Variants in BCL9L observed in about 807,000 individuals in gnomAD.
BCL9L encodes B-cell CLL/lymphoma 9-like protein.
BCL9L carries 19 observed loss-of-function variants against 99.4 expected under a neutral mutation model. The ratio of observed to expected loss-of-function variants is 0.19; its 90% CI spans 0.13 to 0.28. The LOEUF is 0.28. Ranked by LOEUF, BCL9L falls within the 10% of genes least tolerant of loss-of-function variation. The pLI is 1.00. For missense variants in BCL9L, 2,023 were observed against 2,101.6 expected (o/e 0.96, Z 0.73); for synonymous variants, 900 against 854.8 (o/e 1.05, Z -0.92).
In BCL9L at chr11:118,901,875, T is replaced by G. The variant is rs748651343; in HGVS notation, c.1868A>C (p.Glu623Ala). The G allele has an allele frequency of 6.2e-7, 1 of 1,613,018 alleles. No individual in the cohort carries two copies. Among genetic ancestry groups the G allele is most frequent in the African/African-American group, 1.3e-5 (1 of 75,022 alleles). ...CCTCTGCATGGCATTCATGGGCACC[T>G]CCATGGGCATACTCTGCATGCCCCC... Reference protein sequence around the residue: ...GFGGMQSMPMEVPMNAMQRPV... With the variant: ...GFGGMQSMPMAVPMNAMQRPV... The change falls in exon 8 of 10, where the codon GAG (glutamate) becomes GCG (alanine). Residue 623 changes from glutamate to alanine, a missense_variant. This residue lies in a region of BCL9L where 1,116 missense variants were observed against 1,194.6 expected (regional missense o/e 0.93). Coordinates refer to ENST00000683865, the MANE Select transcript of BCL9L (RefSeq NM_001378213.1). The surrounding 1 kb of genome is among the most constrained non-coding windows in gnomAD (Gnocchi z 6.6).
At position 118,902,390 on chromosome 11, in the gene BCL9L, G is replaced by T. The variant is rs761611878; in HGVS notation, c.1353C>A (p.Pro451=). The T allele has an allele frequency of 6.5e-7, 1 of 1,545,232 alleles. No individual in the cohort carries two copies. Among genetic ancestry groups the T allele is most frequent in the African/African-American group, 1.4e-5 (1 of 72,542 alleles). The change falls in exon 8 of 10, where the codon CCC becomes CCA. Residue 451 remains proline, a synonymous_variant. Transcript: ENST00000683865. The surrounding 1 kb of genome is among the most constrained non-coding windows in gnomAD (Gnocchi z 7.8). The stretch of plus-strand genomic sequence containing the variant: ...TGGGAGGGGCCGTGGGTGGCTGCTG[G>T]GGGGGAGGGGGGGCTTGTGCTGGTG... ...GGPPAQAPPP[P]QQPPTAPPSG...
At chr11:118,909,464 C>A (rs1432034381) in intron 3 of BCL9L, among the ~76,000 whole-genome samples, 1 of 152,188 alleles carries the variant, frequency 6.6e-6, no homozygotes, top group African/African-American at 2.4e-5. Context: ...AGATTTATTT[C>A]AGCTCTGCTG....
Position 118,898,294 on chromosome 11 carries a change from G to GCCCCCCCCCCCCCCCCCCCACCCCCCC in BCL9L, c.*120_*121insGGGGGGGTGGGGGGGGGGGGGGGGGGG. 2.2e-6 allele frequency: 1 copy of GCCCCCCCCCCCCCCCCCCCACCCCCCC among 452,312 alleles called. No individual in the cohort carries two copies. Among genetic ancestry groups the GCCCCCCCCCCCCCCCCCCCACCCCCCC allele is most frequent in the East Asian group, 4.3e-5 (1 of 23,130 alleles). 28.0% of individuals were successfully genotyped at this position (452,312 alleles called of 1,614,324 possible). On this transcript the variant is annotated 3_prime_UTR_variant, in exon 10 of 10. Coordinates refer to ENST00000683865, the MANE Select transcript of BCL9L (RefSeq NM_001378213.1). ...TCCACAAATGCCACTCCCTACACAA[G>GCCCCCCCCCCCCCCCCCCCACCCCCCC]CCCCCTCCCACCCCCTCCACCCCAC... is the stretch of plus-strand genomic sequence containing the variant.
Position 118,900,485 on chromosome 11 carries a change from C to A in BCL9L, c.3124+134G>T. The A allele has an allele frequency of 1.4e-6, 2 of 1,419,748 alleles. No individual in the cohort carries two copies. Among genetic ancestry groups the A allele is most frequent in the Non-Finnish European group, 1.8e-6 (2 of 1,081,816 alleles). 87.9% of individuals were successfully genotyped at this position (1,419,748 alleles called of 1,614,324 possible). On this transcript the variant is annotated intron_variant, in intron 8 of 9. Transcript: ENST00000683865. The surrounding 1 kb of genome is among the most constrained non-coding windows in gnomAD (Gnocchi z 5.3). ...GAAAGCCCACAAATGTCATCATCTGCCCCATAAGCAGAGCCATCCACCTCT... is the reference window on the plus strand; with the variant it reads ...GAAAGCCCACAAATGTCATCATCTGACCCATAAGCAGAGCCATCCACCTCT...
chr11:118,906,753 C>T (rs568455705), intron 5 of BCL9L, among the ~76,000 whole-genome samples: 1 of 152,108 alleles, frequency 6.6e-6, no homozygotes, highest in South Asian at 2.1e-4. Context: ...AACTCCTGGG[C>T]TCAAGCAATT....
In BCL9L at chr11:118,902,109, G is replaced by C; in HGVS notation, c.1634C>G (p.Pro545Arg). 1 of 1,614,050 alleles carries C rather than the reference G, an allele frequency of 6.2e-7. No individual in the cohort carries two copies. The highest frequency in any genetic ancestry group is 1.1e-5 in the South Asian group (1 of 91,080). The change falls in exon 8 of 10, where the codon CCT becomes CGT. Residue 545 changes from proline to arginine, a missense_variant. Pro to Arg is a moderately radical substitution (Grantham distance 103). Transcript: ENST00000683865. The surrounding 1 kb of genome is among the most constrained non-coding windows in gnomAD (Gnocchi z 7.8). ...EEQIGLHGSR[P>R]LQDMMGMGGM... is the part of the protein sequence containing the mutation. Reference sequence around the variant, plus strand: ...CCCCATGCCCATCATGTCCTGCAGAGGACGGCTCCCATGCAGCCCAATCTG... The same window carrying C: ...CCCCATGCCCATCATGTCCTGCAGACGACGGCTCCCATGCAGCCCAATCTG...
At position 118,901,700 on chromosome 11, in the gene BCL9L, G is replaced by A; in HGVS notation, c.2043C>T (p.His681=). The stretch of plus-strand genomic sequence containing the variant: ...CCATCGACCGCTTCTCCAGCAGCTG[G>A]TGCCGCAGCAGCTCCTCACGGACCC... ...TPRVREELLR[H]QLLEKRSMGM... The change falls in exon 8 of 10, where the codon CAC becomes CAT. Residue 681 remains histidine, a synonymous_variant. Transcript: ENST00000683865. The surrounding 1 kb of genome is among the most constrained non-coding windows in gnomAD (Gnocchi z 6.6). The A allele has an allele frequency of 6.2e-7, 1 of 1,613,698 alleles. No homozygotes were observed. The highest frequency in any genetic ancestry group is 8.5e-7 in the Non-Finnish European group (1 of 1,179,960).
chr11:118,906,209 T>G (rs539989436), intron 5 of BCL9L, among the ~76,000 whole-genome samples: 1 of 152,276 alleles, frequency 6.6e-6, no homozygotes, highest in African/African-American at 2.4e-5. Context: ...AATAAATAAA[T>G]AAAACTCACA....
Position 118,898,577 on chromosome 11 carries a change from G to A in BCL9L, c.4338C>T (p.Tyr1446=), listed in dbSNP as rs1940034958. The change falls in exon 10 of 10, where the codon TAC becomes TAT. Residue 1446 remains tyrosine (Y), a synonymous_variant. Coordinates refer to ENST00000683865, the MANE Select transcript of BCL9L (RefSeq NM_001378213.1). ...GGGAGAGCATGTGGGGCGGCTGGCT[G>A]TAGACCTCGCCCCCCACGCCCCGCT... ...MKQRGVGGEV[Y]SQPPHMLSPQ... 1.2e-6 allele frequency: 2 copies of A among 1,610,752 alleles called. No individual in the cohort carries two copies. Among genetic ancestry groups the A allele is most frequent in the South Asian group, 1.1e-5 (1 of 90,826 alleles).
At chr11:118,907,060 G>A (rs1940552456) in intron 5 of BCL9L, among the ~76,000 whole-genome samples, 1 of 152,144 alleles carries the variant, frequency 6.6e-6, no homozygotes, top group Non-Finnish European at 1.5e-5. Context: ...TCAATTAGAG[G>A]TTAGGGAAGG....
chr11:118,904,573 G>C (rs1315233481), intron 5 of BCL9L, among the ~76,000 whole-genome samples: 1 of 152,202 alleles, frequency 6.6e-6, no homozygotes, highest in African/African-American at 2.4e-5. Context: ...ACACTTGACT[G>C]TAAGTCTTAG....
intron 2 of BCL9L, among the ~76,000 whole-genome samples, chr11:118,915,596 T>TG (rs1259982229): frequency 6.6e-6 from 1 of 152,076 alleles, no homozygotes; most frequent in Non-Finnish European, 1.5e-5. Flanking sequence ...AGGGGCTGGG[T>TG]GGCTGTCCAC....
chr11:118,921,369 G>A lies in BCL9L; in HGVS notation c.-130-2490C>T, dbSNP rs938633770. Among the ~76,000 whole-genome samples, 1 of 152,190 alleles carries A rather than the reference G, an allele frequency of 6.6e-6. No homozygotes were observed. Among genetic ancestry groups the A allele is most frequent in the African/African-American group, 2.4e-5 (1 of 41,436 alleles). ...CAGAGTGTGTGAAGTCGGATTAGAA[G>A]GCAATGCTCTGGGGAGGAGGGGAGC... On this transcript the variant is annotated intron_variant, in intron 1 of 9. Coordinates refer to ENST00000683865, the MANE Select transcript of BCL9L (RefSeq NM_001378213.1). This position sits in a 1 kb window ranked among gnomAD's most constrained non-coding sequence, Gnocchi z 5.4.
At chr11:118,904,346 A>T (rs185485212) in intron 5 of BCL9L, among the ~76,000 whole-genome samples, 1 of 152,324 alleles carries the variant, frequency 6.6e-6, no homozygotes, top group Admixed American at 6.5e-5. Flanking sequence ...AGGCTGAGAC[A>T]TGAGAATTGC....
At chr11:118,899,847 C>T in intron 9 of BCL9L, 70 bp downstream of exon 9, 6 of 1,522,720 alleles carry the variant, frequency 3.9e-6, no homozygotes, top group Non-Finnish European at 5.3e-6. Flanking sequence ...CCAGCACAAC[C>T]ACAGCTGTGC....
chr11:118,907,253 G>A (rs543719906), intron 5 of BCL9L, among the ~76,000 whole-genome samples: 3 of 152,202 alleles, frequency 2.0e-5, no homozygotes, highest in African/African-American at 7.2e-5. Flanking sequence ...CCAAGAAGGA[G>A]GCCACTCCAC....
At chr11:118,924,772 C>T (rs1411869049) in intron 1 of BCL9L, among the ~76,000 whole-genome samples, 1 of 152,230 alleles carries the variant, frequency 6.6e-6, no homozygotes, top group Non-Finnish European at 1.5e-5. Context: ...CCCCGCTACT[C>T]ACAGGCAGTG....
At position 118,918,542 on chromosome 11, in the gene BCL9L, G is replaced by C. The variant is rs181499351; in HGVS notation, c.-77+284C>G. Among the ~76,000 whole-genome samples, 512 of 152,102 alleles carry C rather than the reference G, an allele frequency of 3.4e-3. 3 individuals carry two copies. Among genetic ancestry groups the C allele is most frequent in the African/African-American group, 0.012 (487 of 41,478 alleles). On this transcript the variant is annotated intron_variant, in intron 2 of 9. Coordinates refer to ENST00000683865, the MANE Select transcript of BCL9L (RefSeq NM_001378213.1). ...GTGAGATCCGCTGAGATAGAGAAGG[G>C]CTGGACTCTCACTGGAGCCTGGCTC...
At chr11:118,924,870 G>T (rs1292668311) in intron 1 of BCL9L, among the ~76,000 whole-genome samples, 2 of 152,242 alleles carry the variant, frequency 1.3e-5, no homozygotes, top group African/African-American at 4.8e-5. Context: ...GGAGGGCTGG[G>T]GTGCTGAGAC....
Sources: gnomAD v4.1 joint callset for allele counts (sites outside exome capture counted in the v4.1 genomes callset) on GRCh38, gnomAD v4.1.1 for gene constraint, gnomAD v4.1.1 regional missense constraint, Gnocchi (gnomAD v3.1) non-coding constraint, MANE v1.5 for transcripts, NCBI Gene and HGNC (gene_info 2026-07-23, HGNC 2026-07-21) for gene names.